Variants in SEPTIN11 observed in about 807,000 individuals in gnomAD.
The protein encoded by SEPTIN11 is septin 11.
SEPTIN11 carries 25 observed loss-of-function variants against 51.4 expected under a neutral mutation model. The ratio of observed to expected loss-of-function variants is 0.49; its 90% confidence interval spans 0.35 to 0.68. SEPTIN11 has a LOEUF of 0.68. Ranked by LOEUF, SEPTIN11 falls within the 30% of genes least tolerant of loss-of-function variation. SEPTIN11 has a pLI of 0.00. For synonymous variants in SEPTIN11, 174 were observed against 184.1 expected, an observed-to-expected ratio of 0.95 and a Z score of 0.44; for missense variants, 381 against 520.8, an observed-to-expected ratio of 0.73 and a Z score of 2.61.
intron 3 of SEPTIN11, among the ~76,000 whole-genome samples, chr4:77,006,686 G>A (rs908511648): frequency 1.3e-5 from 2 of 152,292 alleles, no homozygotes; most frequent in African/African-American, 4.8e-5. Context: ...AAATCAGTAA[G>A]TTAGGGTGTG....
rs1727149505 is a variant in SEPTIN11 at position 77,038,007 on chromosome 4, G to C, written c.*3495G>C. 4 of 985,654 alleles carry C rather than the reference G, an allele frequency of 4.1e-6. No individual in the cohort carries two copies. The highest frequency in any genetic ancestry group is 4.8e-6 in the Non-Finnish European group (4 of 829,926). The allele number at this position is 985,654 out of a possible 1,614,324, so 61.1% of individuals were successfully genotyped here. The stretch of plus-strand genomic sequence containing the variant: ...GTTTCACATACAAACTATTGGGTGA[G>C]GTTTTTCAGCTGTTACCGACCCACG... On this transcript the variant is annotated 3_prime_UTR_variant, in exon 10 of 10. Coordinates refer to ENST00000264893, the MANE Select transcript of SEPTIN11 (RefSeq NM_018243.4).
chr4:76,958,984 C>T, intron 1 of SEPTIN11: 1 of 848,632 alleles, frequency 1.2e-6, no homozygotes, highest in South Asian at 1.3e-5. Context: ...AAGCAACATC[C>T]TGACAGTCAT....
In SEPTIN11 at chr4:77,017,347, C is replaced by T. The variant is rs1578189528; in HGVS notation, c.688-1818C>T. ...AAATTTTCTTTTAGGCTCTTCATTA[C>T]AAACTATTCTTGCTGATCAAATTCC... On this transcript the variant is annotated intron_variant, in intron 5 of 9. Transcript: ENST00000264893. 2.0e-5 allele frequency among the ~76,000 whole-genome samples: 3 copies of T among 152,198 alleles called. No homozygotes were observed. The South Asian group carries it at 6.2e-4, about 31-fold the overall frequency.
rs1724883234 is a variant in SEPTIN11 at position 77,011,806 on chromosome 4, G to A, written c.410G>A (p.Arg137His). The A allele has an allele frequency of 5.6e-6, 9 of 1,613,986 alleles. No individual in the cohort carries two copies. The highest frequency in any genetic ancestry group is 5.9e-6 in the Non-Finnish European group (7 of 1,179,934). ...CTGCAAGAGGAATTGAAGATTAAAC[G>A]TTCTCTCTTCAACTACCATGACACG... is the stretch of plus-strand genomic sequence containing the variant. ...AYLQEELKIK[R>H]SLFNYHDTRI... is the part of the protein sequence containing the mutation. The change falls in exon 4 of 10, where the codon CGT becomes CAT. Residue 137 changes from arginine (R) to histidine (H), a missense_variant. Arg to His is a conservative substitution (Grantham distance 29). Transcript: ENST00000264893.
intron 1 of SEPTIN11, among the ~76,000 whole-genome samples, chr4:76,962,632 GTGTT>G (rs1721869154): frequency 1.3e-5 from 2 of 152,238 alleles, no homozygotes; most frequent in Admixed American, 1.3e-4. Context: ...CAGTTTTTTT[GTGTT>G]TGTTTTTTTC....
intron 1 of SEPTIN11, chr4:76,995,767 C>A: frequency 6.8e-7 from 1 of 1,475,618 alleles, no homozygotes; most frequent in Non-Finnish European, 8.9e-7. Context: ...TGTATGATAA[C>A]TACCTTACCC....
chr4:77,035,098 T>G lies in SEPTIN11; in HGVS notation c.*586T>G. The G allele has an allele frequency of 3.0e-6, 3 of 985,486 alleles. No individual in the cohort carries two copies. The highest frequency in any genetic ancestry group is 3.6e-6 in the Non-Finnish European group (3 of 829,984). The allele number at this position is 985,486 out of a possible 1,614,324, so 61.0% of individuals were successfully genotyped here. ...TCAATAACATTATTTGGCCTGAGCT[T>G]GTGGGTCTGTTCAGACTGTCTCCTC... On this transcript the variant is annotated 3_prime_UTR_variant, in exon 10 of 10. Coordinates refer to ENST00000264893, the MANE Select transcript of SEPTIN11 (RefSeq NM_018243.4).
intron 1 of SEPTIN11, among the ~76,000 whole-genome samples, chr4:76,956,962 A>ATGTGTGTG (rs202035045): frequency 0.053 from 6,246 of 118,890 alleles, 228 homozygotes; most frequent in South Asian, 0.087. Flanking sequence ...TAGTAGAATG[A>ATGTGTGTG]TGTGTGTGTG....
chr4:76,959,634 G>C (rs1052016421), intron 1 of SEPTIN11, among the ~76,000 whole-genome samples: 1 of 152,056 alleles, frequency 6.6e-6, no homozygotes, highest in Non-Finnish European at 1.5e-5. Flanking sequence ...CAGAGTGAAT[G>C]GGGGAAATTA....
chr4:76,977,726 CT>C (rs559226407), intron 1 of SEPTIN11, among the ~76,000 whole-genome samples: 1,584 of 127,348 alleles, frequency 0.012, 7 homozygotes, highest in African/African-American at 0.029. Flanking sequence ...AAAGGTTCGT[CT>C]TTTTTTTTTT....
chr4:76,994,440 C>T (rs1433417974), intron 1 of SEPTIN11, among the ~76,000 whole-genome samples: 1 of 152,232 alleles, frequency 6.6e-6, no homozygotes, highest in African/African-American at 2.4e-5. Context: ...AGGACTGCTG[C>T]CCACTGGGGC....
At chr4:76,960,463 C>T (rs766140571) in intron 1 of SEPTIN11, among the ~76,000 whole-genome samples, 1 of 152,134 alleles carries the variant, frequency 6.6e-6, no homozygotes, top group Non-Finnish European at 1.5e-5. Context: ...GATGAGGTCT[C>T]AGGTATCAAA....
At chr4:76,971,691 T>G (rs1354002845) in intron 1 of SEPTIN11, among the ~76,000 whole-genome samples, 1 of 152,198 alleles carries the variant, frequency 6.6e-6, no homozygotes, top group Admixed American at 6.5e-5. Context: ...GAATCTTGTC[T>G]TAAGCACAAC....
chr4:76,981,093 G>T (rs1722750282), intron 1 of SEPTIN11, among the ~76,000 whole-genome samples: 2 of 152,184 alleles, frequency 1.3e-5, no homozygotes, highest in Non-Finnish European at 2.9e-5. Context: ...TTTGTGCTTT[G>T]TGGTAACAAC....
In SEPTIN11 at chr4:76,983,364, G is replaced by A. The variant is rs6532750; in HGVS notation, c.28-13061G>A. Among the ~76,000 whole-genome samples the A allele has an allele frequency of 2.9e-3, 437 of 152,308 alleles. 3 individuals carry two copies. Among genetic ancestry groups the A allele is most frequent in the African/African-American group, 8.6e-3 (357 of 41,560 alleles). ...GGAGCTGAGTGCAGCCTCTGACAGCGAGTAAGGAGAGAAGGCCCTCAGTCC... is the reference window on the plus strand; with the variant it reads ...GGAGCTGAGTGCAGCCTCTGACAGCAAGTAAGGAGAGAAGGCCCTCAGTCC... On this transcript the variant is annotated intron_variant, in intron 1 of 9. Transcript: ENST00000264893.
chr4:76,987,618 T>C (rs1723109897), intron 1 of SEPTIN11, among the ~76,000 whole-genome samples: 5 of 152,148 alleles, frequency 3.3e-5, no homozygotes, highest in Admixed American at 3.3e-4. Context: ...GTGAAACCAA[T>C]TCAATACTTT....
chr4:77,023,564 A>G (rs182778049), intron 7 of SEPTIN11, among the ~76,000 whole-genome samples: 2 of 152,002 alleles, frequency 1.3e-5, no homozygotes, highest in East Asian at 3.9e-4. Flanking sequence ...ACTCATTCAA[A>G]CTCTGATGTC....
rs117591538 is a variant in SEPTIN11, at chr4:76,954,226, G to A, written c.27+4296G>A. On this transcript the variant is annotated intron_variant, in intron 1 of 9. Coordinates refer to ENST00000264893, the MANE Select transcript of SEPTIN11 (RefSeq NM_018243.4). ...ATGATCATCGGATTTAGACTGTGGC[G>A]CAGCCCACAGAGTTTTCTGTGCCTG... 3.2e-4 allele frequency among the ~76,000 whole-genome samples: 49 copies of A among 152,298 alleles called. No homozygotes were observed. The East Asian group carries it at 8.3e-3, about 26-fold the overall frequency.
At chr4:76,997,738 G>A (rs1001173646) in intron 2 of SEPTIN11, among the ~76,000 whole-genome samples, 5 of 152,218 alleles carry the variant, frequency 3.3e-5, no homozygotes, top group African/African-American at 1.2e-4. Context: ...TGGCGTGAAT[G>A]GGTTGTCCTT....
Sources: gnomAD v4.1 joint callset for allele counts (sites outside exome capture counted in the v4.1 genomes callset) on GRCh38, gnomAD v4.1.1 for gene constraint, MANE v1.5 for transcripts, NCBI Gene and HGNC (gene_info 2026-07-23, HGNC 2026-07-21) for gene names.